CACNB4: variants seen among roughly 807,000 people sequenced by gnomAD.
CACNB4 encodes voltage-dependent L-type calcium channel subunit beta-4.
A neutral mutation model predicts 71.2 loss-of-function variants in CACNB4; 32 were observed. The ratio of observed to expected loss-of-function variants is 0.45; its 90% CI spans 0.34 to 0.60. The LOEUF (loss-of-function observed/expected upper bound fraction) is 0.60. CACNB4 is among the 20% of genes least tolerant of loss of function. The pLI is 0.01. For synonymous variants in CACNB4, 231 were observed against 236.9 expected (o/e 0.97, Z 0.23); for missense variants, 464 against 647.9 (o/e 0.72, Z 3.08).
At chr2:152,018,291 G>A (rs534726615) in intron 2 of CACNB4, among the ~76,000 whole-genome samples, 41 of 152,184 alleles carry the variant, frequency 2.7e-4, no homozygotes, top group African/African-American at 9.4e-4. Context: ...GAGGGAGGAG[G>A]CAAGAGAAGA....
At chr2:151,855,491 A>T in intron 10 of CACNB4, 116 bp from the exon 11 acceptor site, 1 of 771,340 alleles carries the variant, frequency 1.3e-6, no homozygotes, top group African/African-American at 1.7e-5. Flanking sequence ...AAACATTTTA[A>T]ATTTTCATAG....
intron 2 of CACNB4, among the ~76,000 whole-genome samples, chr2:151,909,286 T>C (rs1323976449): frequency 8.0e-5 from 12 of 149,954 alleles, no homozygotes; most frequent in African/African-American, 2.5e-4. Flanking sequence ...CAAAAAAAAA[T>C]CAGCGGGGCA....
intron 2 of CACNB4, among the ~76,000 whole-genome samples, chr2:152,025,574 TAAAA>T (rs1683917127): frequency 6.6e-6 from 1 of 152,142 alleles, no homozygotes; most frequent in Non-Finnish European, 1.5e-5. Flanking sequence ...CCAGATTAAA[TAAAA>T]AATCTAGGAG....
chr2:152,027,650 G>A (rs1490059947), intron 2 of CACNB4, among the ~76,000 whole-genome samples: 3 of 152,040 alleles, frequency 2.0e-5, no homozygotes, highest in African/African-American at 2.4e-5. Context: ...TCAGGAGATC[G>A]AGACCAGCCT....
At chr2:152,016,195 C>T (rs1331982953) in intron 2 of CACNB4, among the ~76,000 whole-genome samples, 1 of 152,114 alleles carries the variant, frequency 6.6e-6, no homozygotes, top group Non-Finnish European at 1.5e-5. Context: ...TTCAGAGATA[C>T]AGAAAGAATG....
rs2099835179 is a variant in CACNB4, at chr2:151,837,653, A to C, written c.*1466T>G. ...TAAAGACATTTGTGTAAAAAGGGTC[A>C]ATTTCAATAATTTCTTAGATCAGAG... On this transcript the variant is annotated 3_prime_UTR_variant, in exon 14 of 14. Transcript: ENST00000539935. 1 of 152,004 alleles carries C rather than the reference A, an allele frequency of 6.6e-6. No homozygotes were observed. The highest frequency in any genetic ancestry group is 2.1e-4 in the South Asian group (1 of 4,818). The allele number at this position is 152,004 out of a possible 1,614,324, so 9.4% of individuals were successfully genotyped here.
In CACNB4 at chr2:152,076,317, G is replaced by GT. The variant is rs5835407; in HGVS notation, c.147+22012dup. Among the ~76,000 whole-genome samples, 467 of 122,472 alleles carry GT rather than the reference G, an allele frequency of 3.8e-3. 1 individual carries two copies. The highest frequency in any genetic ancestry group is 7.4e-3 in the African/African-American group (235 of 31,886). 80.3% of individuals were successfully genotyped at this position (122,472 alleles called of 152,430 possible). ...ACACCACACCTGGCTAATTTTTTGG[G>GT]TTTTTTTTTTTTTTTTTGTATTTTT... is the stretch of plus-strand genomic sequence containing the variant. On this transcript the variant is annotated intron_variant, in intron 2 of 13. Coordinates refer to ENST00000539935, the MANE Select transcript of CACNB4 (RefSeq NM_000726.5).
chr2:152,043,868 C>T (rs904856929), intron 2 of CACNB4, among the ~76,000 whole-genome samples: 3 of 152,010 alleles, frequency 2.0e-5, no homozygotes, highest in African/African-American at 7.3e-5. Context: ...GCTTCTTTTC[C>T]AGGCTTCACA....
intron 2 of CACNB4, among the ~76,000 whole-genome samples, chr2:151,899,879 G>T (rs1383248690): frequency 6.6e-6 from 1 of 152,046 alleles, no homozygotes; most frequent in Non-Finnish European, 1.5e-5. Context: ...GCCTAATAAG[G>T]GCTTATAACC....
chr2:151,853,501 T>C lies in CACNB4; in HGVS notation c.1063A>G (p.Lys355Glu). 1 of 1,601,680 alleles carries C rather than the reference T, an allele frequency of 6.2e-7. No individual in the cohort carries two copies. The highest frequency in any genetic ancestry group is 8.5e-7 in the Non-Finnish European group (1 of 1,174,556). The change falls in exon 12 of 14, where the codon AAA becomes GAA. Residue 355 changes from lysine to glutamate, a missense_variant. By Grantham distance (56) the Lys-to-Glu change is moderately conservative (BLOSUM62 1). Coordinates refer to ENST00000539935, the MANE Select transcript of CACNB4 (RefSeq NM_000726.5). ...LIKSRGKSQS[K>E]HLNVQLVAAD... ...GCCACCAGTTGAACATTCAAGTGTT[T>C]ACTTTGTGACTTTCCTCTAGATTTA...
intron 2 of CACNB4, chr2:152,048,670 C>T (rs1685259404): frequency 6.6e-6 from 1 of 152,272 alleles, no homozygotes; most frequent in Non-Finnish European, 1.5e-5. Context: ...CCCTCAGGAC[C>T]TGGCCTGCAC....
At chr2:151,945,779 C>G (rs2099865417) in intron 2 of CACNB4, among the ~76,000 whole-genome samples, 1 of 151,134 alleles carries the variant, frequency 6.6e-6, no homozygotes, top group African/African-American at 2.4e-5. Context: ...GTCATAGCTA[C>G]TTAGGAGGCG....
At chr2:152,026,135 C>T (rs1161992819) in intron 2 of CACNB4, among the ~76,000 whole-genome samples, 1 of 152,184 alleles carries the variant, frequency 6.6e-6, no homozygotes, top group African/African-American at 2.4e-5. Flanking sequence ...TCCCCTCTTA[C>T]CTGCAGTGGG....
intron 2 of CACNB4, among the ~76,000 whole-genome samples, chr2:151,993,715 C>T (rs36013500): frequency 0.042 from 6,360 of 151,896 alleles, 174 homozygotes; most frequent in Middle Eastern, 0.092. Flanking sequence ...CAGGTGTGTG[C>T]CACCACGCCG....
intron 2 of CACNB4, among the ~76,000 whole-genome samples, chr2:152,037,389 G>T (rs1579178495): frequency 6.6e-6 from 1 of 152,178 alleles, no homozygotes; most frequent in South Asian, 2.1e-4. Flanking sequence ...AATAAATCCT[G>T]CTTTGGCCCA....
At chr2:152,055,137 G>T (rs548783185) in intron 2 of CACNB4, among the ~76,000 whole-genome samples, 3 of 152,088 alleles carry the variant, frequency 2.0e-5, no homozygotes, top group African/African-American at 7.2e-5. Context: ...TCAGCCTCCC[G>T]AGTAGCTGGG....
intron 2 of CACNB4, among the ~76,000 whole-genome samples, chr2:152,069,999 C>G (rs9712147): frequency 6.6e-6 from 1 of 151,668 alleles, no homozygotes; most frequent in African/African-American, 2.4e-5. Flanking sequence ...CCCGCCACTA[C>G]GCCTGGCTAA....
chr2:151,894,570 C>A (rs1282245308), intron 2 of CACNB4, among the ~76,000 whole-genome samples: 1 of 152,062 alleles, frequency 6.6e-6, no homozygotes, highest in East Asian at 1.9e-4. Context: ...AGCCATCAAG[C>A]AAGAGAAAGA....
intron 2 of CACNB4, among the ~76,000 whole-genome samples, chr2:152,075,638 T>C (rs1464358915): frequency 6.6e-6 from 1 of 152,184 alleles, no homozygotes; most frequent in African/African-American, 2.4e-5. Flanking sequence ...GCCTCAGGTC[T>C]GGTCAGCTGA....
Sources: gnomAD v4.1 joint callset for allele counts (sites outside exome capture counted in the v4.1 genomes callset) on GRCh38, gnomAD v4.1.1 for gene constraint, MANE v1.5 for transcripts, NCBI Gene and HGNC (gene_info 2026-07-23, HGNC 2026-07-21) for gene names.